Variants in SRSF11 observed in about 807,000 individuals in gnomAD.
The protein encoded by SRSF11 is serine and arginine rich splicing factor 11, also known as serine/arginine-rich splicing factor 11.
Under a neutral mutation model 56.0 loss-of-function variants are expected in SRSF11, and 9 were observed. The observed-to-expected ratio is 0.16, with a 90% confidence interval of 0.10 to 0.28. The LOEUF (loss-of-function observed/expected upper bound fraction) is 0.28. Among genes scored for constraint, SRSF11 ranks in the 10% least tolerant of loss-of-function variants. The probability of loss-of-function intolerance (pLI) is 1.00; values close to 1 mark genes in which losing one functional copy is unlikely to be tolerated. For synonymous variants in SRSF11, 222 were observed against 215.3 expected (o/e 1.03, Z -0.27); for missense variants, 421 against 600.7 (o/e 0.70, Z 3.13).
At position 70,246,891 on chromosome 1, in the gene SRSF11, T is replaced by C. The variant is rs753302320; in HGVS notation, c.1006T>C (p.Ser336Pro). ...PPKSYSTARRSRSASRERRRR... is the reference protein window; with the variant it reads ...PPKSYSTARRPRSASRERRRR... ...AAAAAGTTACAGCACAGCCAGACGT[T>C]CTAGAAGTGCAAGCAGGTAAGGTGG... The change falls in exon 9 of 12, where the codon TCT becomes CCT. Residue 336 changes from serine (S) to proline (P), a missense_variant. Around this residue, in one of 2 missense-constraint regions of SRSF11, gnomAD observed 253 missense variants for 305.8 expected, o/e 0.83. Coordinates refer to ENST00000370949, the MANE Select transcript of SRSF11 (RefSeq NM_001350605.2). The C allele has an allele frequency of 6.2e-7, 1 of 1,606,640 alleles. No individual in the cohort carries two copies. Among genetic ancestry groups the C allele is most frequent in the Admixed American group, 1.7e-5 (1 of 58,582 alleles).
At chr1:70,207,723 T>TC (rs1669179758) in intron 1 of SRSF11, among the ~76,000 whole-genome samples, 1 of 144,914 alleles carries the variant, frequency 6.9e-6, no homozygotes, top group African/African-American at 2.6e-5. Context: ...CTTCTTTCGT[T>TC]CTTTTTTTTT....
chr1:70,239,539 C>G lies in SRSF11; in HGVS notation c.800+19C>G. ...GACACAGGTTAGATTGCTTTTTAGTCAATTATACCTTAGACAAAGATAATT... is the reference window on the plus strand; with the variant it reads ...GACACAGGTTAGATTGCTTTTTAGTGAATTATACCTTAGACAAAGATAATT... On this transcript the variant is annotated intron_variant, in intron 7 of 11. Coordinates refer to ENST00000370949, the MANE Select transcript of SRSF11 (RefSeq NM_001350605.2). 1 of 1,522,784 alleles carries G rather than the reference C, an allele frequency of 6.6e-7. No individual in the cohort carries two copies. The allele number at this position is 1,522,784 out of a possible 1,614,324, so 94.3% of individuals were successfully genotyped here.
rs535926579 is a variant in SRSF11 at position 70,244,967 on chromosome 1, C to T, written c.932+152C>T. 6 of 674,226 alleles carry T rather than the reference C, an allele frequency of 8.9e-6. No individual in the cohort carries two copies. In the East Asian group the frequency reaches 1.2e-4, roughly 14 times the overall value. 41.8% of individuals were successfully genotyped at this position (674,226 alleles called of 1,614,324 possible). On this transcript the variant is annotated intron_variant, in intron 8 of 11. Coordinates refer to ENST00000370949, the MANE Select transcript of SRSF11 (RefSeq NM_001350605.2). ...CAATATTTGAGTTTGAGGAGGCTGA[C>T]GTTTGCTTTCTGGTGCTTCCTTGTA...
Position 70,250,649 on chromosome 1 carries a change from C to T in SRSF11, c.1299C>T (p.Asp433=), listed in dbSNP as rs758811804. 6.2e-7 allele frequency: 1 copy of T among 1,613,770 alleles called. No homozygotes were observed. The highest frequency in any genetic ancestry group is 1.1e-5 in the South Asian group (1 of 91,068). Residue 433 remains aspartate, a synonymous_variant, in exon 12 of 12, where the codon GAC becomes GAT. Coordinates refer to ENST00000370949, the MANE Select transcript of SRSF11 (RefSeq NM_001350605.2). ...RDYDEEEQGY[D]SEKEKKEEKK... ...ATGATGAAGAGGAACAGGGGTATGA[C>T]AGTGAGAAAGAGAAAAAAGAAGAGA... is the stretch of plus-strand genomic sequence containing the variant.
At chr1:70,228,637 A>G in intron 2 of SRSF11, 82 bp downstream of exon 2, 6 of 1,440,730 alleles carry the variant, frequency 4.2e-6, no homozygotes, top group Non-Finnish European at 5.5e-6. Flanking sequence ...CATTAGTAGC[A>G]TGTTAAATCT....
chr1:70,246,757 C>A, intron 8 of SRSF11, 61 bp from the exon 9 acceptor site: 2 of 1,004,644 alleles, frequency 2.0e-6, no homozygotes, highest in Non-Finnish European at 1.5e-6. Context: ...GTTTGTAGTG[C>A]TATATAAATT....
intron 2 of SRSF11, chr1:70,230,492 T>A: frequency 4.8e-6 from 6 of 1,239,152 alleles, no homozygotes; most frequent in Non-Finnish European, 6.2e-6. Context: ...ATTTTTTAGG[T>A]TCCTTGGTTA....
intron 1 of SRSF11, 38 bp from the exon 2 acceptor site, chr1:70,228,384 A>G (rs777989025): frequency 3.3e-6 from 5 of 1,514,640 alleles, no homozygotes; most frequent in African/African-American, 1.4e-5. Flanking sequence ...TTTAACTGCT[A>G]TTCTGTTTCT....
At chr1:70,241,599 G>T (rs964159903) in intron 7 of SRSF11, among the ~76,000 whole-genome samples, 1 of 152,108 alleles carries the variant, frequency 6.6e-6, no homozygotes, top group Non-Finnish European at 1.5e-5. Flanking sequence ...CTTTTTACAC[G>T]TGTCATTTGC....
At chr1:70,244,052 A>G (rs1348680878) in intron 7 of SRSF11, among the ~76,000 whole-genome samples, 1 of 152,158 alleles carries the variant, frequency 6.6e-6, no homozygotes, top group Non-Finnish European at 1.5e-5. Context: ...TAAAAGAGGC[A>G]GTTTATACAA....
chr1:70,228,041 T>G (rs994067455), intron 1 of SRSF11, among the ~76,000 whole-genome samples: 1 of 152,190 alleles, frequency 6.6e-6, no homozygotes, highest in Non-Finnish European at 1.5e-5. Context: ...TCATCTTTCT[T>G]ACTCTGAGAA....
chr1:70,221,423 C>T lies in SRSF11; in HGVS notation c.-214C>T, dbSNP rs1670576576. On this transcript the variant is annotated 5_prime_UTR_variant, in exon 1 of 12. Transcript: ENST00000370949. The stretch of plus-strand genomic sequence containing the variant: ...GAGGTGGGGCGGCCGTTTGTTTTCT[C>T]GTGGTCTCGAGCTCGCGCGCTCTCA... 4 of 522,494 alleles carry T rather than the reference C, an allele frequency of 7.7e-6. No homozygotes were observed. Among genetic ancestry groups the T allele is most frequent in the Non-Finnish European group, 1.3e-5 (4 of 306,590 alleles). 32.4% of individuals were successfully genotyped at this position (522,494 alleles called of 1,614,324 possible).
intron 9 of SRSF11, among the ~76,000 whole-genome samples, chr1:70,248,154 G>A (rs1677169325): frequency 6.6e-6 from 1 of 152,004 alleles, no homozygotes; most frequent in Admixed American, 6.5e-5. Flanking sequence ...AGAGGTTTTT[G>A]ACCCACCAGT....
chr1:70,246,693 T>A lies in SRSF11; in HGVS notation c.933-125T>A, dbSNP rs115108962. 1,679 of 513,446 alleles carry A rather than the reference T, an allele frequency of 3.3e-3. 23 individuals are homozygous for A. The highest frequency in any genetic ancestry group is 0.029 in the African/African-American group (1,475 of 50,502). The allele number at this position is 513,446 out of a possible 1,614,324, so 31.8% of individuals were successfully genotyped here. Reference sequence around the variant, plus strand: ...AGTATTATTTTTAAAACAGTTTCTGTCAGAACAACATTTATGCTTTTAAGG... The same window carrying A: ...AGTATTATTTTTAAAACAGTTTCTGACAGAACAACATTTATGCTTTTAAGG... On this transcript the variant is annotated intron_variant, in intron 8 of 11. Transcript: ENST00000370949.
chr1:70,206,855 T>G (rs548998975), intron 1 of SRSF11, among the ~76,000 whole-genome samples: 10 of 151,850 alleles, frequency 6.6e-5, no homozygotes, highest in African/African-American at 2.4e-4. Flanking sequence ...CAATAGTTGT[T>G]ACCCTACTAA....
intron 1 of SRSF11, among the ~76,000 whole-genome samples, chr1:70,216,105 A>G (rs1018053186): frequency 1.3e-5 from 2 of 152,098 alleles, no homozygotes; most frequent in Non-Finnish European, 1.5e-5. Flanking sequence ...TCCTTTATCT[A>G]AAAGACCTTC....
chr1:70,214,069 A>G (rs1287458226), intron 1 of SRSF11, among the ~76,000 whole-genome samples: 1 of 152,248 alleles, frequency 6.6e-6, no homozygotes, highest in African/African-American at 2.4e-5. Context: ...GGAAAAAAAC[A>G]TAAAAGGTCA....
At chr1:70,224,221 G>C (rs1303849148) in intron 1 of SRSF11, among the ~76,000 whole-genome samples, 2 of 152,030 alleles carry the variant, frequency 1.3e-5, no homozygotes, top group Admixed American at 6.5e-5. Context: ...TTATCTGCAG[G>C]GAGTCCTGAA....
chr1:70,251,928 A>G lies in SRSF11; in HGVS notation c.*1123A>G, dbSNP rs1395164975. The stretch of plus-strand genomic sequence containing the variant: ...TGTGCAGTAGAAACAAAAGTAGGCT[A>G]CAGTCTGTGCCATGTTGATGTACAG... On this transcript the variant is annotated 3_prime_UTR_variant, in exon 12 of 12. Transcript: ENST00000370949. 6.6e-6 allele frequency: 1 copy of G among 152,630 alleles called. No homozygotes were observed. The highest frequency in any genetic ancestry group is 1.5e-5 in the Non-Finnish European group (1 of 68,016). The allele number at this position is 152,630 out of a possible 1,614,324, so 9.5% of individuals were successfully genotyped here.
Sources: allele counts gnomAD v4.1 joint callset (sites outside exome capture counted in the v4.1 genomes callset), GRCh38; gene constraint gnomAD v4.1.1; regional missense constraint gnomAD v4.1.1; transcripts MANE v1.5; gene names NCBI Gene and HGNC (gene_info 2026-07-23, HGNC 2026-07-21).